Variants in GAS7 observed in about 807,000 individuals in gnomAD.
GAS7 encodes growth arrest specific 7.
Under a neutral mutation model 71.1 loss-of-function variants are expected in GAS7, and 28 were observed. The observed-to-expected ratio is 0.39, with a 90% CI of 0.29 to 0.54. The LOEUF (loss-of-function observed/expected upper bound fraction) is 0.54. GAS7 is among the 20% of genes least tolerant of loss of function. GAS7 has a pLI of 0.62. For synonymous variants in GAS7, 258 were observed against 245.8 expected (o/e 1.05, Z -0.46); for missense variants, 436 against 627.8 (o/e 0.69, Z 3.27).
chr17:10,164,178 C>G (rs1356449101), intron 1 of GAS7, among the ~76,000 whole-genome samples: 1 of 152,096 alleles, frequency 6.6e-6, no homozygotes. Flanking sequence ...CGCGGTGGCT[C>G]ACGTCTATAA....
chr17:10,015,052 G>A (rs994114350), intron 2 of GAS7, among the ~76,000 whole-genome samples: 4 of 152,008 alleles, frequency 2.6e-5, no homozygotes, highest in African/African-American at 4.8e-5. Context: ...CTACTCAGGA[G>A]GCTGAGGCAA....
At position 10,178,064 on chromosome 17, in the gene GAS7, G is replaced by C. The variant is rs376195112; in HGVS notation, c.183+20144C>G. Among the ~76,000 whole-genome samples the C allele has an allele frequency of 1.5e-4, 23 of 152,104 alleles. 1 individual carries two copies. Among genetic ancestry groups the C allele is most frequent in the Non-Finnish European group, 1.5e-5 (1 of 68,026 alleles). ...TTTTCAAACTGGGTCCTACAGAGCC[G>C]GAGGGATTCCTGGAGGGAGTGATCC... On this transcript the variant is annotated intron_variant, in intron 1 of 13. Coordinates refer to ENST00000432992, the MANE Select transcript of GAS7 (RefSeq NM_201433.2).
chr17:10,151,743 CT>C (rs2074168113), intron 1 of GAS7, among the ~76,000 whole-genome samples: 1 of 151,960 alleles, frequency 6.6e-6, no homozygotes. Context: ...AAGGGTTTCC[CT>C]AATGTTGCCC....
rs189245918 is a variant in GAS7, at chr17:10,113,204, T to C, written c.183+85004A>G. 4.6e-5 allele frequency among the ~76,000 whole-genome samples: 7 copies of C among 152,302 alleles called. No homozygotes were observed. The East Asian group carries it at 5.8e-4, about 13-fold the overall frequency. ...AAAGTGCACGATGCTGGCAAGGCTA[T>C]GGGAAAGCAGGCACTCCTACTCGCT... On this transcript the variant is annotated intron_variant, in intron 1 of 13. Transcript: ENST00000432992.
chr17:9,919,969 T>TGTGTGTG lies in GAS7; in HGVS notation c.1139-265_1139-264insCACACAC, dbSNP rs2067738985. 3.0e-5 allele frequency among the ~76,000 whole-genome samples: 4 copies of TGTGTGTG among 131,398 alleles called. No homozygotes were observed. Among genetic ancestry groups the TGTGTGTG allele is most frequent in the African/African-American group, 8.8e-5 (3 of 34,244 alleles). 86.2% of individuals were successfully genotyped at this position (131,398 alleles called of 152,430 possible). ...AGGATTCAGGATGGTGGTTCTCATT[T>TGTGTGTG]TGTGTGTGTGTGTGTGTGTGTGTGT... is the stretch of plus-strand genomic sequence containing the variant. On this transcript the variant is annotated intron_variant, in intron 11 of 13. Coordinates refer to ENST00000432992, the MANE Select transcript of GAS7 (RefSeq NM_201433.2). The surrounding 1 kb of genome is among the most constrained non-coding windows in gnomAD (Gnocchi z 5.0).
At chr17:10,050,368 G>T (rs1005489256) in intron 1 of GAS7, among the ~76,000 whole-genome samples, 1 of 152,062 alleles carries the variant, frequency 6.6e-6, no homozygotes, top group Non-Finnish European at 1.5e-5. Flanking sequence ...GAGACAGAAG[G>T]CACCTTAGTA....
chr17:9,924,495 TA>T, intron 11 of GAS7, among the ~76,000 whole-genome samples: 1 of 150,796 alleles, frequency 6.6e-6, no homozygotes, highest in South Asian at 2.1e-4. Context: ...TTTAATAACT[TA>T]ATAATTTAAA....
At chr17:10,173,365 G>A (rs1392392262) in intron 1 of GAS7, among the ~76,000 whole-genome samples, 1 of 152,096 alleles carries the variant, frequency 6.6e-6, no homozygotes, top group East Asian at 1.9e-4. Context: ...AAGTAGAAGG[G>A]GAGGCGGGGA....
At chr17:10,008,868 C>A (rs1344632326) in intron 2 of GAS7, among the ~76,000 whole-genome samples, 1 of 152,114 alleles carries the variant, frequency 6.6e-6, no homozygotes, top group Non-Finnish European at 1.5e-5. Context: ...TTTAGTCTCA[C>A]ATTTGCTCAA....
intron 1 of GAS7, among the ~76,000 whole-genome samples, chr17:10,097,756 A>G (rs1225731956): frequency 6.6e-6 from 1 of 152,032 alleles, no homozygotes; most frequent in African/African-American, 2.4e-5. Context: ...AAAAATGTAC[A>G]CTGGGGGCCA....
At chr17:9,962,992 A>G (rs1289227568) in intron 4 of GAS7, among the ~76,000 whole-genome samples, 2 of 151,542 alleles carry the variant, frequency 1.3e-5, no homozygotes, top group Admixed American at 1.3e-4. Flanking sequence ...AGGTTATTCT[A>G]TAAGACACCT....
At chr17:9,925,410 T>A in intron 11 of GAS7, 66 bp downstream of exon 11, 1 of 1,553,434 alleles carries the variant, frequency 6.4e-7, no homozygotes, top group Non-Finnish European at 8.9e-7. Context: ...AGTCACCTCA[T>A]CTCCTAGCCC....
intron 2 of GAS7, among the ~76,000 whole-genome samples, chr17:10,016,620 A>AAACAAAACAAAAAAAAAAAAAC (rs1555523684): frequency 9.1e-5 from 12 of 131,664 alleles, no homozygotes; most frequent in African/African-American, 3.1e-4. Flanking sequence ...AAAAAAAAAA[A>AAACAAAACAAAAAAAAAAAAAC]AAAACAAAAC....
At position 10,127,720 on chromosome 17, in the gene GAS7, G is replaced by T. The variant is rs943869188; in HGVS notation, c.183+70488C>A. The stretch of plus-strand genomic sequence containing the variant: ...GAAGGCCCCCTCCAAGGTGTGAACC[G>T]ACCCCAGTCTCTGTCCCCCTAAACC... On this transcript the variant is annotated intron_variant, in intron 1 of 13. Coordinates refer to ENST00000432992, the MANE Select transcript of GAS7 (RefSeq NM_201433.2). 3.3e-5 allele frequency among the ~76,000 whole-genome samples: 5 copies of T among 152,168 alleles called. No homozygotes were observed. The East Asian group carries it at 9.6e-4, about 29-fold the overall frequency.
intron 1 of GAS7, among the ~76,000 whole-genome samples, chr17:10,089,226 C>T (rs1360347721): frequency 6.6e-6 from 1 of 152,040 alleles, no homozygotes; most frequent in Non-Finnish European, 1.5e-5. Flanking sequence ...GCACTGTCTT[C>T]CCCCATCCAG....
At chr17:10,139,356 G>T (rs2074063476) in intron 1 of GAS7, among the ~76,000 whole-genome samples, 1 of 152,218 alleles carries the variant, frequency 6.6e-6, no homozygotes, top group Non-Finnish European at 1.5e-5. Context: ...TTGTCCAGGG[G>T]ACAGAGTCTA....
intron 1 of GAS7, among the ~76,000 whole-genome samples, chr17:10,087,200 C>G (rs2073528732): frequency 6.8e-6 from 1 of 146,338 alleles, no homozygotes; most frequent in African/African-American, 2.5e-5. Flanking sequence ...GCCGGGAGAG[C>G]TCTACACGCA....
chr17:10,103,127 A>T lies in GAS7; in HGVS notation c.184-83230T>A, dbSNP rs1412385602. ...AGCATTTTGGGAGGCCGAGGTGGGC[A>T]GATTGCTAAGAGCCCAGGAGTTTGA... On this transcript the variant is annotated intron_variant, in intron 1 of 13. Coordinates refer to ENST00000432992, the MANE Select transcript of GAS7 (RefSeq NM_201433.2). The surrounding 1 kb of genome is among the most constrained non-coding windows in gnomAD (Gnocchi z 5.5). 6.6e-6 allele frequency among the ~76,000 whole-genome samples: 1 copy of T among 150,660 alleles called. No homozygotes were observed. The highest frequency in any genetic ancestry group is 1.5e-5 in the Non-Finnish European group (1 of 67,266).
chr17:10,183,570 T>C (rs144594236), intron 1 of GAS7, among the ~76,000 whole-genome samples: 9,718 of 152,276 alleles, frequency 0.064, 528 homozygotes, highest in East Asian at 0.18. Flanking sequence ...CTGGGCGCGG[T>C]GGCTCACGCC....
Sources: allele counts gnomAD v4.1 joint callset (sites outside exome capture counted in the v4.1 genomes callset), GRCh38; gene constraint gnomAD v4.1.1; non-coding constraint Gnocchi (gnomAD v3.1); transcripts MANE v1.5; gene names NCBI Gene and HGNC (gene_info 2026-07-23, HGNC 2026-07-21).